Variants in RSF1 observed in about 807,000 individuals in gnomAD.
RSF1 encodes the protein remodeling and spacing factor 1.
A neutral mutation model predicts 145.2 loss-of-function variants in RSF1; 13 were observed. The observed-to-expected ratio is 0.09, with a 90% CI of 0.06 to 0.14. The LOEUF (loss-of-function observed/expected upper bound fraction) is 0.14, where lower values mean the gene tolerates loss of function less well. Ranked by LOEUF, RSF1 falls within the 10% of genes least tolerant of loss-of-function variation. The pLI is 1.00. For missense variants in RSF1, 1,517 were observed against 1,718.2 expected (o/e 0.88, Z 2.07); for synonymous variants, 577 against 592.6 (o/e 0.97, Z 0.38).
intron 3 of RSF1, among the ~76,000 whole-genome samples, chr11:77,741,439 G>C (rs1373158941): frequency 6.6e-6 from 1 of 152,064 alleles, no homozygotes; most frequent in Non-Finnish European, 1.5e-5. Context: ...GCTATTTAGG[G>C]GGCTGGGCTG....
intron 15 of RSF1, among the ~76,000 whole-genome samples, chr11:77,671,141 ATATATATATATAT>A (rs1959528363): frequency 4.8e-4 from 7 of 14,452 alleles, no homozygotes; most frequent in African/African-American, 2.2e-3. Context: ...AAAAAAAAAT[ATATATATATATAT>A]ATATATATAT....
At chr11:77,740,352 G>A (rs1170594786) in intron 4 of RSF1, among the ~76,000 whole-genome samples, 1 of 152,214 alleles carries the variant, frequency 6.6e-6, no homozygotes, top group Non-Finnish European at 1.5e-5. Context: ...TCCAGCCTGG[G>A]CAACAAGAGC....
intron 9 of RSF1, among the ~76,000 whole-genome samples, chr11:77,686,593 G>A (rs1960013774): frequency 6.6e-6 from 1 of 151,800 alleles, no homozygotes; most frequent in South Asian, 2.1e-4. Context: ...CAGCTGGCTA[G>A]GTCTTTTAGA....
chr11:77,797,815 A>G (rs904780849), intron 1 of RSF1, among the ~76,000 whole-genome samples: 1 of 148,008 alleles, frequency 6.8e-6, no homozygotes, highest in African/African-American at 2.5e-5. Context: ...CAAATTTACA[A>G]GAAAAAAACA....
At chr11:77,820,416 G>A (rs770500637) in intron 1 of RSF1, 112 bp downstream of exon 1, 4 of 1,152,958 alleles carry the variant, frequency 3.5e-6, no homozygotes, top group East Asian at 2.6e-5. Context: ...GTCCCAGGGG[G>A]AAGACAGAGC....
At chr11:77,857,662 G>A in the RSF1 span, among the ~76,000 whole-genome samples, 1 of 150,538 alleles carries the variant, frequency 6.6e-6, no homozygotes, top group Non-Finnish European at 1.5e-5. Flanking sequence ...CATGTGCCAG[G>A]ATGGTTTGCT....
chr11:77,704,001 A>C (rs1960483991), intron 5 of RSF1, among the ~76,000 whole-genome samples: 1 of 152,242 alleles, frequency 6.6e-6, no homozygotes, highest in African/African-American at 2.4e-5. Flanking sequence ...ATCTTTAAAA[A>C]TAACTTCAAC....
intron 1 of RSF1, among the ~76,000 whole-genome samples, chr11:77,798,132 T>C (rs904664263): frequency 6.6e-6 from 1 of 152,206 alleles, no homozygotes; most frequent in African/African-American, 2.4e-5. Context: ...AGAAATACCA[T>C]TTGACCCAGC....
chr11:77,768,411 C>T (rs879646207), intron 1 of RSF1, among the ~76,000 whole-genome samples: 5 of 152,154 alleles, frequency 3.3e-5, no homozygotes, highest in Non-Finnish European at 5.9e-5. Flanking sequence ...TCTCCCGCCT[C>T]GGCCTCCCAA....
At chr11:77,805,206 G>A (rs946744784) in intron 1 of RSF1, among the ~76,000 whole-genome samples, 1 of 151,942 alleles carries the variant, frequency 6.6e-6, no homozygotes, top group Non-Finnish European at 1.5e-5. Flanking sequence ...GCACAGGCTC[G>A]TGCCTGTACT....
intron 9 of RSF1, among the ~76,000 whole-genome samples, chr11:77,690,004 A>G (rs567206774): frequency 3.4e-4 from 51 of 152,198 alleles, no homozygotes; most frequent in African/African-American, 1.2e-3. Flanking sequence ...TCTACTAAAA[A>G]TACAAAAATT....
chr11:77,709,833 G>A lies in RSF1; in HGVS notation c.734-7338C>T, dbSNP rs148619030. On this transcript the variant is annotated intron_variant, in intron 5 of 15. Transcript: ENST00000308488. ...CAACCCTCCTGCCTAAGCCTCCTGAGTAACTGGGACTATAAGCAAGAGTCA... is the reference window on the plus strand; with the variant it reads ...CAACCCTCCTGCCTAAGCCTCCTGAATAACTGGGACTATAAGCAAGAGTCA... 2.8e-3 allele frequency among the ~76,000 whole-genome samples: 426 copies of A among 152,120 alleles called. 5 individuals are homozygous for A. Among genetic ancestry groups the A allele is most frequent in the Admixed American group, 3.7e-3 (57 of 15,264 alleles).
chr11:77,819,166 C>CT, intron 1 of RSF1, among the ~76,000 whole-genome samples: 1 of 152,324 alleles, frequency 6.6e-6, no homozygotes, highest in African/African-American at 2.4e-5. Flanking sequence ...AAGAGCGACC[C>CT]TGCTTTCTTG....
At chr11:77,722,693 A>G (rs1960968614) in intron 5 of RSF1, among the ~76,000 whole-genome samples, 1 of 152,228 alleles carries the variant, frequency 6.6e-6, no homozygotes, top group Admixed American at 6.5e-5. Context: ...GTTACCTCAA[A>G]GAGTTGCTAT....
chr11:77,781,408 TG>T (rs1948402988), intron 1 of RSF1, among the ~76,000 whole-genome samples: 33 of 152,220 alleles, frequency 2.2e-4, no homozygotes, highest in Non-Finnish European at 2.9e-5. Context: ...CTCCGTGTTT[TG>T]ACTATTATAA....
intron 2 of RSF1, among the ~76,000 whole-genome samples, chr11:77,756,188 T>C (rs2135929322): frequency 6.6e-6 from 1 of 151,922 alleles, no homozygotes; most frequent in South Asian, 2.1e-4. Context: ...AGAAACCCTG[T>C]CTCAGCTAAA....
intron 2 of RSF1, among the ~76,000 whole-genome samples, chr11:77,759,011 A>C (rs902580827): frequency 6.6e-6 from 1 of 152,194 alleles, no homozygotes; most frequent in Non-Finnish European, 1.5e-5. Context: ...TCTATCTAAG[A>C]ATCCATTGCC....
intron 1 of RSF1, among the ~76,000 whole-genome samples, chr11:77,766,182 T>C (rs1948223659): frequency 2.6e-5 from 4 of 152,220 alleles, no homozygotes; most frequent in South Asian, 2.1e-4. Flanking sequence ...CACAGGACCA[T>C]TGTCTTATCA....
intron 12 of RSF1, 192 bp from the exon 13 acceptor site, chr11:77,677,191 T>C (rs1271847637): frequency 2.6e-5 from 15 of 573,058 alleles, no homozygotes; most frequent in Non-Finnish European, 4.0e-5. Context: ...TTTACCCTAC[T>C]GAAGAGAAGT....
Sources: gnomAD v4.1 joint callset for allele counts (sites outside exome capture counted in the v4.1 genomes callset) on GRCh38, gnomAD v4.1.1 for gene constraint, MANE v1.5 for transcripts, NCBI Gene and HGNC (gene_info 2026-07-23, HGNC 2026-07-21) for gene names.